Variants in CASZ1 observed in about 807,000 individuals in gnomAD.
CASZ1 encodes zinc finger protein castor homolog 1.
Under a neutral mutation model 135.2 loss-of-function variants are expected in CASZ1, and 28 were observed. The ratio of observed to expected loss-of-function variants is 0.21; its 90% confidence interval spans 0.15 to 0.28. CASZ1 has a LOEUF of 0.28. Among genes scored for constraint, CASZ1 ranks in the 10% least tolerant of loss-of-function variants. CASZ1 has a pLI of 1.00. For synonymous variants in CASZ1, 1,068 were observed against 1,073.4 expected (o/e 0.99, Z 0.10); for missense variants, 2,161 against 2,453.3 (o/e 0.88, Z 2.52).
rs907712838 is a variant in CASZ1, at chr1:10,695,484, C to T, written c.-23-1572G>A. On this transcript the variant is annotated intron_variant, in intron 3 of 20. Coordinates refer to ENST00000377022, the MANE Select transcript of CASZ1 (RefSeq NM_001079843.3). ...CTTGCGCTTCCTCCCTGCCTTGCCCCTCTGGCCGCTGCCCTAGGAAGGGCG... is the reference window on the plus strand; with the variant it reads ...CTTGCGCTTCCTCCCTGCCTTGCCCTTCTGGCCGCTGCCCTAGGAAGGGCG... Among the ~76,000 whole-genome samples, 114 of 151,764 alleles carry T rather than the reference C, an allele frequency of 7.5e-4. 1 individual carries two copies. Among genetic ancestry groups the T allele is most frequent in the Non-Finnish European group, 1.5e-3 (101 of 67,918 alleles).
chr1:10,759,165 C>T lies in CASZ1; in HGVS notation c.-77+1536G>A, dbSNP rs564404850. ...GAGGGGGCTCTGCAGGCACTCACAG[C>T]CTCTTCATGGGCAGGGCACAGGGCA... On this transcript the variant is annotated intron_variant, in intron 2 of 20. Transcript: ENST00000377022. The surrounding 1 kb of genome is among the most constrained non-coding windows in gnomAD (Gnocchi z 4.2). Among the ~76,000 whole-genome samples the T allele has an allele frequency of 2.0e-5, 3 of 152,338 alleles. No individual in the cohort carries two copies. Among genetic ancestry groups the T allele is most frequent in the Non-Finnish European group, 4.4e-5 (3 of 68,030 alleles).
intron 2 of CASZ1, among the ~76,000 whole-genome samples, chr1:10,713,060 G>A (rs771061912): frequency 2.0e-5 from 3 of 152,228 alleles, no homozygotes; most frequent in Non-Finnish European, 1.5e-5. Context: ...CAGAATGCGT[G>A]TACATATATA....
rs1197905283 is a variant in CASZ1, at chr1:10,676,244, A to G, written c.17-10673T>C. On this transcript the variant is annotated intron_variant, in intron 4 of 20. Coordinates refer to ENST00000377022, the MANE Select transcript of CASZ1 (RefSeq NM_001079843.3). This position sits in a 1 kb window ranked among gnomAD's most constrained non-coding sequence, Gnocchi z 4.5. ...CCAAGGCCCTGCTGGACTGGCCCGG[A>G]CCCCCGTCCCCCATGCTGCTTCTCA... Among the ~76,000 whole-genome samples, 1 of 151,488 alleles carries G rather than the reference A, an allele frequency of 6.6e-6. No individual in the cohort carries two copies. The highest frequency in any genetic ancestry group is 1.5e-5 in the Non-Finnish European group (1 of 67,814).
At chr1:10,734,305 C>T (rs1012765179) in intron 2 of CASZ1, among the ~76,000 whole-genome samples, 4 of 151,628 alleles carry the variant, frequency 2.6e-5, no homozygotes, top group African/African-American at 4.8e-5. Context: ...ATCCCATGGC[C>T]GTGCCCTCCC....
intron 1 of CASZ1, among the ~76,000 whole-genome samples, chr1:10,786,777 A>T (rs1387043414): frequency 6.6e-6 from 1 of 152,216 alleles, no homozygotes; most frequent in Non-Finnish European, 1.5e-5. Context: ...CTCCAGAGGC[A>T]CAAAACAGTA....
chr1:10,708,975 G>C (rs1439683080), intron 2 of CASZ1, among the ~76,000 whole-genome samples: 1 of 145,046 alleles, frequency 6.9e-6, no homozygotes, highest in Non-Finnish European at 1.5e-5. Context: ...ACGGGGAGGG[G>C]GGGGGCCATG....
intron 4 of CASZ1, among the ~76,000 whole-genome samples, chr1:10,675,146 T>TC (rs945407728): frequency 3.3e-5 from 5 of 152,112 alleles, no homozygotes; most frequent in Admixed American, 1.3e-4. Flanking sequence ...TCACGGCAGG[T>TC]CCCCCCTCCT....
Position 10,762,018 on chromosome 1 carries a change from T to A in CASZ1, c.-233-1161A>T, listed in dbSNP as rs957987206. On this transcript the variant is annotated intron_variant, in intron 1 of 20. Coordinates refer to ENST00000377022, the MANE Select transcript of CASZ1 (RefSeq NM_001079843.3). This position sits in a 1 kb window ranked among gnomAD's most constrained non-coding sequence, Gnocchi z 4.1. The stretch of plus-strand genomic sequence containing the variant: ...TGGGCCCTGCCTCCTTAGTGTGGCA[T>A]GGTGTGGGCAGCTGCCCTGCAGGTT... 6.6e-6 allele frequency among the ~76,000 whole-genome samples: 1 copy of A among 152,092 alleles called. No homozygotes were observed. Among genetic ancestry groups the A allele is most frequent in the African/African-American group, 2.4e-5 (1 of 41,416 alleles).
In CASZ1 at chr1:10,755,574, C is replaced by A. The variant is rs1160985020; in HGVS notation, c.-77+5127G>T. Among the ~76,000 whole-genome samples, 4 of 152,124 alleles carry A rather than the reference C, an allele frequency of 2.6e-5. No individual in the cohort carries two copies. Among genetic ancestry groups the A allele is most frequent in the Non-Finnish European group, 5.9e-5 (4 of 68,018 alleles). On this transcript the variant is annotated intron_variant, in intron 2 of 20. Transcript: ENST00000377022. The surrounding 1 kb of genome is among the most constrained non-coding windows in gnomAD (Gnocchi z 4.3). ...CAGGGCAGGTGCCCCCAGCCCTTCCCAATCCCTCTTCCCTGGGGCCCGTGC... is the reference window on the plus strand; with the variant it reads ...CAGGGCAGGTGCCCCCAGCCCTTCCAAATCCCTCTTCCCTGGGGCCCGTGC...
rs710134 is a variant in CASZ1, at chr1:10,747,748, C to T, written c.-77+12953G>A. ...CTGGAATTAGGGGTGTCTCACCACACCTAGCTCCCCCTCCAGAATGAGCAA... is the reference window on the plus strand; with the variant it reads ...CTGGAATTAGGGGTGTCTCACCACATCTAGCTCCCCCTCCAGAATGAGCAA... On this transcript the variant is annotated intron_variant, in intron 2 of 20. Transcript: ENST00000377022. This position sits in a 1 kb window ranked among gnomAD's most constrained non-coding sequence, Gnocchi z 4.3. 0.06 allele frequency among the ~76,000 whole-genome samples: 9,118 copies of T among 152,092 alleles called. 383 individuals carry two copies. The highest frequency in any genetic ancestry group is 0.12 in the East Asian group (643 of 5,156).
chr1:10,743,519 C>T lies in CASZ1; in HGVS notation c.-77+17182G>A, dbSNP rs570287818. ...GTACTCAGGGGGATGGGCTGGGGGC[C>T]GGGGGAGCTGAGAACAAACAGCGGC... is the stretch of plus-strand genomic sequence containing the variant. On this transcript the variant is annotated intron_variant, in intron 2 of 20. Coordinates refer to ENST00000377022, the MANE Select transcript of CASZ1 (RefSeq NM_001079843.3). 3.1e-4 allele frequency among the ~76,000 whole-genome samples: 47 copies of T among 151,460 alleles called. 1 individual carries two copies. The highest frequency in any genetic ancestry group is 1.0e-3 in the South Asian group (5 of 4,762).
In CASZ1 at chr1:10,701,207, G is replaced by A. The variant is rs946045146; in HGVS notation, c.-24+4285C>T. The stretch of plus-strand genomic sequence containing the variant: ...GCAGCTGCTCCCTGGCAGGGAAGCG[G>A]GTACGTGGCCCTCCTCCTGCCTCCT... On this transcript the variant is annotated intron_variant, in intron 3 of 20. Transcript: ENST00000377022. This position sits in a 1 kb window ranked among gnomAD's most constrained non-coding sequence, Gnocchi z 6.3. 1.3e-5 allele frequency among the ~76,000 whole-genome samples: 2 copies of A among 152,302 alleles called. No homozygotes were observed. The highest frequency in any genetic ancestry group is 4.8e-5 in the African/African-American group (2 of 41,566).
chr1:10,690,066 T>C (rs1638716029), intron 4 of CASZ1, among the ~76,000 whole-genome samples: 1 of 152,128 alleles, frequency 6.6e-6, no homozygotes, highest in African/African-American at 2.4e-5. Flanking sequence ...CTTAGACTGG[T>C]TGAGTGGGTG....
intron 3 of CASZ1, among the ~76,000 whole-genome samples, chr1:10,703,307 T>C (rs1639102947): frequency 6.6e-6 from 1 of 152,086 alleles, no homozygotes; most frequent in Non-Finnish European, 1.5e-5. Context: ...TCCCTGGTCC[T>C]AGACAGAGCC....
In CASZ1 at chr1:10,665,128, C is replaced by T. The variant is rs752481619; in HGVS notation, c.460G>A (p.Ala154Thr). ...GALEEKDSDG[A>T]ASKEDSGPST... is the part of the protein sequence containing the mutation. ...GGGCCGCTGTCCTCCTTGGAGGCTG[C>T]CCCGTCCGAATCCTTCTCCTCCAGG... Residue 154 changes from alanine to threonine, a missense_variant, in exon 5 of 21, where the codon GCA becomes ACA. By Grantham distance (58) the Ala-to-Thr change is moderately conservative. Coordinates refer to ENST00000377022, the MANE Select transcript of CASZ1 (RefSeq NM_001079843.3). 213 of 1,521,022 alleles carry T rather than the reference C, an allele frequency of 1.4e-4. No individual in the cohort carries two copies. Among genetic ancestry groups the T allele is most frequent in the Non-Finnish European group, 1.1e-4 (130 of 1,133,906 alleles). 94.2% of individuals were successfully genotyped at this position (1,521,022 alleles called of 1,614,324 possible). A position where few individuals can be genotyped will look rare whatever the true frequency, so the allele number is the denominator to read the frequency against.
intron 1 of CASZ1, among the ~76,000 whole-genome samples, chr1:10,775,459 G>A (rs1640646122): frequency 6.6e-6 from 1 of 152,090 alleles, no homozygotes; most frequent in South Asian, 2.1e-4. Context: ...GCATGCGGGG[G>A]GATTGAGAAA....
rs950743409 is a variant in CASZ1 at position 10,699,813 on chromosome 1, G to A, written c.-24+5679C>T. Among the ~76,000 whole-genome samples the A allele has an allele frequency of 4.6e-5, 7 of 152,106 alleles. No individual in the cohort carries two copies. Among genetic ancestry groups the A allele is most frequent in the African/African-American group, 1.7e-4 (7 of 41,414 alleles). On this transcript the variant is annotated intron_variant, in intron 3 of 20. Coordinates refer to ENST00000377022, the MANE Select transcript of CASZ1 (RefSeq NM_001079843.3). This position sits in a 1 kb window ranked among gnomAD's most constrained non-coding sequence, Gnocchi z 4.6. Reference sequence around the variant, plus strand: ...TTGTAGGTTTCTCTTATCAGAAGCAGCGACGGTTTCACATTAATTTCCCAG... The same window carrying A: ...TTGTAGGTTTCTCTTATCAGAAGCAACGACGGTTTCACATTAATTTCCCAG...
At chr1:10,668,257 G>A (rs532680498) in intron 4 of CASZ1, among the ~76,000 whole-genome samples, 143 of 152,274 alleles carry the variant, frequency 9.4e-4, no homozygotes, top group Admixed American at 2.0e-3. Flanking sequence ...CCCCCACCCC[G>A]CTGTGGTCTG....
chr1:10,694,962 C>A lies in CASZ1; in HGVS notation c.-23-1050G>T, dbSNP rs1443836359. ...CCGCGAGCGCGACCGACGGCCGCCG[C>A]GCGCGCCTGCCCCACGACCCGCGCG... On this transcript the variant is annotated intron_variant, in intron 3 of 20. Coordinates refer to ENST00000377022, the MANE Select transcript of CASZ1 (RefSeq NM_001079843.3). The surrounding 1 kb of genome is among the most constrained non-coding windows in gnomAD (Gnocchi z 6.6). 6.2e-5 allele frequency among the ~76,000 whole-genome samples: 9 copies of A among 145,406 alleles called. No individual in the cohort carries two copies. Among genetic ancestry groups the A allele is most frequent in the Non-Finnish European group, 1.4e-4 (9 of 65,594 alleles).
Sources: allele counts gnomAD v4.1 joint callset (sites outside exome capture counted in the v4.1 genomes callset), GRCh38; gene constraint gnomAD v4.1.1; non-coding constraint Gnocchi (gnomAD v3.1); transcripts MANE v1.5; gene names NCBI Gene and HGNC (gene_info 2026-07-23, HGNC 2026-07-21).